Variants in VGF observed in about 807,000 individuals in gnomAD.
VGF encodes the protein neurosecretory protein VGF.
VGF carries 13 observed loss-of-function variants against 41.1 expected under a neutral mutation model. The ratio of observed to expected loss-of-function variants is 0.32; its 90% CI spans 0.21 to 0.50. VGF has a LOEUF of 0.50. VGF is among the 20% of genes least tolerant of loss of function. The pLI is 0.98. For synonymous variants in VGF, 473 were observed against 418.3 expected, an observed-to-expected ratio of 1.13 and a Z score of -1.60; for missense variants, 920 against 882.1, an observed-to-expected ratio of 1.04 and a Z score of -0.54.
upstream of VGF, among the ~76,000 whole-genome samples, chr7:101,166,399 C>T (rs1797219182): frequency 1.3e-5 from 2 of 152,138 alleles, no homozygotes; most frequent in Non-Finnish European, 2.9e-5. Context: ...CCCCGCTGTG[C>T]CCCCTTCGGC....
At position 101,163,628 on chromosome 7, in the gene VGF, C is replaced by G; in HGVS notation, c.1216G>C (p.Ala406Pro). ...CCGGCTTCCCCGTCCTCCTCCTCCGCGAACAGGAGCGCGTTCTGCCGCGCC... is the reference window on the plus strand; with the variant it reads ...CCGGCTTCCCCGTCCTCCTCCTCCGGGAACAGGAGCGCGTTCTGCCGCGCC... Reference protein sequence around the residue: ...ERARQNALLFAEEEDGEAGAE... With the variant: ...ERARQNALLFPEEEDGEAGAE... The change falls in exon 2 of 2, where the codon GCG becomes CCG. Residue 406 changes from alanine to proline, a missense_variant. Ala to Pro is a conservative substitution (Grantham distance 27). Coordinates refer to ENST00000249330, the MANE Select transcript of VGF (RefSeq NM_003378.4). The surrounding 1 kb of genome is among the most constrained non-coding windows in gnomAD (Gnocchi z 5.0). 1 of 1,546,194 alleles carries G rather than the reference C, an allele frequency of 6.5e-7. No homozygotes were observed. The highest frequency in any genetic ancestry group is 8.7e-7 in the Non-Finnish European group (1 of 1,148,962).
chr7:101,165,916 G>A (rs1797211922), upstream of VGF, among the ~76,000 whole-genome samples: 1 of 152,286 alleles, frequency 6.6e-6, no homozygotes, highest in Non-Finnish European at 1.5e-5. Context: ...TGGATGCAGA[G>A]GCGCTGGAAG....
rs779874790 is a variant in VGF at position 101,163,491 on chromosome 7, C to T, written c.1353G>A (p.Thr451=). The T allele has an allele frequency of 6.2e-7, 1 of 1,612,954 alleles. No individual in the cohort carries two copies. Residue 451 remains threonine, a synonymous_variant, in exon 2 of 2, where the codon ACG becomes ACA. Coordinates refer to ENST00000249330, the MANE Select transcript of VGF (RefSeq NM_003378.4). The surrounding 1 kb of genome is among the most constrained non-coding windows in gnomAD (Gnocchi z 5.0). ...TGGACAGCTCAATGAGGCTGTCGAT[C>T]GTCTGCGGATCCATCTCCTCGTCGT... ...EEDDEEMDPQ[T]IDSLIELSTK... is the part of the protein sequence containing the mutation.
In VGF at chr7:101,163,602, G is replaced by A; in HGVS notation, c.1242C>T (p.Gly414=). 6.4e-7 allele frequency: 1 copy of A among 1,556,626 alleles called. No individual in the cohort carries two copies. Among genetic ancestry groups the A allele is most frequent in the South Asian group, 1.2e-5 (1 of 86,042 alleles). ...LFAEEEDGEA[G]AEDKRSQEET... ...CCTCCTGGGAGCGCTTGTCCTCGGC[G>A]CCGGCTTCCCCGTCCTCCTCCTCCG... The change falls in exon 2 of 2, where the codon GGC becomes GGT. Residue 414 remains glycine, a synonymous_variant. Coordinates refer to ENST00000249330, the MANE Select transcript of VGF (RefSeq NM_003378.4). This position sits in a 1 kb window ranked among gnomAD's most constrained non-coding sequence, Gnocchi z 5.0.
chr7:101,163,907 C>A lies in VGF; in HGVS notation c.937G>T (p.Ala313Ser). 1.4e-6 allele frequency: 2 copies of A among 1,463,402 alleles called. No individual in the cohort carries two copies. Among genetic ancestry groups the A allele is most frequent in the African/African-American group, 1.5e-5 (1 of 67,618 alleles). The allele number at this position is 1,463,402 out of a possible 1,614,324, so 90.7% of individuals were successfully genotyped here. Residue 313 changes from alanine (A) to serine (S), a missense_variant, in exon 2 of 2, where the codon GCC becomes TCC. Around this residue, in one of 3 missense-constraint regions of VGF, gnomAD observed 654 missense variants for 638.4 expected, o/e 1.02. Transcript: ENST00000249330. The surrounding 1 kb of genome is among the most constrained non-coding windows in gnomAD (Gnocchi z 5.0). ...TCCTGCGCCGCGGCCTGCCGCGTGG[C>A]CTCCGCCTGCCGCCGCCCGGCCTCC... ...QVEAGRRQAE[A>S]TRQAAAQEER...
At chr7:101,167,667 G>A (rs1797242067), upstream of VGF, among the ~76,000 whole-genome samples, 2 of 152,218 alleles carry the variant, frequency 1.3e-5, no homozygotes, top group South Asian at 2.1e-4. This position sits in a 1 kb window ranked among gnomAD's most constrained non-coding sequence, Gnocchi z 4.2. Flanking sequence ...GTGGCTGATG[G>A]GGATCAGAGA....
rs751984381 is a variant in VGF, at chr7:101,163,063, T to TCCTCCG, written c.1775_1780dup (p.Ala592_Glu593dup). 1.8e-4 allele frequency: 276 copies of TCCTCCG among 1,571,766 alleles called. No individual in the cohort carries two copies. The highest frequency in any genetic ancestry group is 1.4e-4 in the Non-Finnish European group (164 of 1,163,704). On this transcript the variant is annotated inframe_insertion, in exon 2 of 2. Transcript: ENST00000249330. The surrounding 1 kb of genome is among the most constrained non-coding windows in gnomAD (Gnocchi z 5.0). ...CTCCTCCTGCTCCTGCAGCCGGCGC[T>TCCTCCG]CCTCCGCCTCCGCCTCCTCCTGCGC...
In VGF at chr7:101,165,002, T is replaced by C. The variant is rs1402025372; in HGVS notation, c.-20-139A>G. On this transcript the variant is annotated intron_variant, in intron 1 of 1. Transcript: ENST00000249330. ...AAACCTTACCCAGAAGAGGAACGTT[T>C]AGGAGCAAAGGAGGAAGATGTTGTG... 7.3e-6 allele frequency: 10 copies of C among 1,374,966 alleles called. No homozygotes were observed. The East Asian group carries it at 2.6e-4, about 36-fold the overall frequency. 85.2% of individuals were successfully genotyped at this position (1,374,966 alleles called of 1,614,324 possible).
chr7:101,163,806 G>T lies in VGF; in HGVS notation c.1038C>A (p.Leu346=). 6.5e-7 allele frequency: 1 copy of T among 1,533,604 alleles called. No homozygotes were observed. The highest frequency in any genetic ancestry group is 8.7e-7 in the Non-Finnish European group (1 of 1,145,020). The allele number at this position is 1,533,604 out of a possible 1,614,324, so 95.0% of individuals were successfully genotyped here. A position where few individuals can be genotyped will look rare whatever the true frequency, so the allele number is the denominator to read the frequency against. Residue 346 remains leucine (L), a synonymous_variant, in exon 2 of 2, where the codon CTC becomes CTA. Coordinates refer to ENST00000249330, the MANE Select transcript of VGF (RefSeq NM_003378.4). The surrounding 1 kb of genome is among the most constrained non-coding windows in gnomAD (Gnocchi z 5.0). The part of the protein sequence containing the change: ...LLQGGARQRG[L]GGRGLQEAAE... ...CCGCCTCCTGCAGCCCCCGACCCCC[G>T]AGGCCGCGCTGCCGGGCCCCGCCCT...
Position 101,163,708 on chromosome 7 carries a change from C to G in VGF, c.1136G>C (p.Gly379Ala), listed in dbSNP as rs532601632. Residue 379 changes from glycine (G) to alanine (A), a missense_variant, in exon 2 of 2, where the codon GGG becomes GCG. By Grantham distance (60) the Gly-to-Ala change is moderately conservative. This residue lies in a region of VGF where 654 missense variants were observed against 638.4 expected (regional missense o/e 1.02). Transcript: ENST00000249330. This position sits in a 1 kb window ranked among gnomAD's most constrained non-coding sequence, Gnocchi z 5.0. ...QERRGGEERV[G>A]EEDEEAAEAE... ...CTCGGCCGCCTCCTCATCCTCTTCC[C>G]CCACCCTCTCCTCCCCGCCGCGTCT... 9 of 1,535,386 alleles carry G rather than the reference C, an allele frequency of 5.9e-6. No individual in the cohort carries two copies. The highest frequency in any genetic ancestry group is 6.1e-6 in the Non-Finnish European group (7 of 1,146,506).
chr7:101,163,962 C>A lies in VGF; in HGVS notation c.882G>T (p.Glu294Asp). ...SALLGGSEAG[E>D]RLLQQGLAQV... ...GCGCCAGCCCTTGCTGGAGAAGGCG[C>A]TCGCCCGCCTCGGAGCCGCCCAGGA... The change falls in exon 2 of 2, where the codon GAG becomes GAT. Residue 294 changes from glutamate to aspartate, a missense_variant. Transcript: ENST00000249330. This position sits in a 1 kb window ranked among gnomAD's most constrained non-coding sequence, Gnocchi z 5.0. The A allele has an allele frequency of 6.9e-7, 1 of 1,457,148 alleles. No individual in the cohort carries two copies. The highest frequency in any genetic ancestry group is 8.9e-7 in the Non-Finnish European group (1 of 1,119,290). The allele number at this position is 1,457,148 out of a possible 1,614,324, so 90.3% of individuals were successfully genotyped here. A position where few individuals can be genotyped will look rare whatever the true frequency, so the allele number is the denominator to read the frequency against.
At position 101,165,420 on chromosome 7, in the gene VGF, G is replaced by A. The variant is rs1431514138; in HGVS notation, c.-67C>T. 2.0e-6 allele frequency: 2 copies of A among 985,442 alleles called. No individual in the cohort carries two copies. Among genetic ancestry groups the A allele is most frequent in the African/African-American group, 1.7e-5 (1 of 57,254 alleles). The allele number at this position is 985,442 out of a possible 1,614,324, so 61.0% of individuals were successfully genotyped here. ...AGGTGGAGAGGAGGGTCGGGGCAGG[G>A]TGGGGACAGGGGAAGATCGGGACGC... On this transcript the variant is annotated 5_prime_UTR_variant, in exon 1 of 2. Coordinates refer to ENST00000249330, the MANE Select transcript of VGF (RefSeq NM_003378.4).
In VGF at chr7:101,163,920, C is replaced by T. The variant is rs745480245; in HGVS notation, c.924G>A (p.Arg308=). The T allele has an allele frequency of 6.8e-7, 1 of 1,460,366 alleles. No individual in the cohort carries two copies. The highest frequency in any genetic ancestry group is 8.9e-7 in the Non-Finnish European group (1 of 1,117,978). The allele number at this position is 1,460,366 out of a possible 1,614,324, so 90.5% of individuals were successfully genotyped here. Reference sequence around the variant, plus strand: ...CCTGCCGCGTGGCCTCCGCCTGCCGCCGCCCGGCCTCCACCTGCGCCAGCC... The same window carrying T: ...CCTGCCGCGTGGCCTCCGCCTGCCGTCGCCCGGCCTCCACCTGCGCCAGCC... ...QQGLAQVEAG[R]RQAEATRQAA... Residue 308 remains arginine (R), a synonymous_variant, in exon 2 of 2, where the codon CGG becomes CGA. Transcript: ENST00000249330. The surrounding 1 kb of genome is among the most constrained non-coding windows in gnomAD (Gnocchi z 5.0).
At chr7:101,168,418 C>T (rs1045696361), upstream of VGF, among the ~76,000 whole-genome samples, 1 of 152,176 alleles carries the variant, frequency 6.6e-6, no homozygotes, top group African/African-American at 2.4e-5. Context: ...ACACTACTCG[C>T]CTCTACTGGG....
Position 101,163,611 on chromosome 7 carries a change from C to A in VGF, c.1233G>T (p.Gly411=), listed in dbSNP as rs761900776. The change falls in exon 2 of 2, where the codon GGG becomes GGT. Residue 411 remains glycine, a synonymous_variant. Coordinates refer to ENST00000249330, the MANE Select transcript of VGF (RefSeq NM_003378.4). The surrounding 1 kb of genome is among the most constrained non-coding windows in gnomAD (Gnocchi z 5.0). ...AGCGCTTGTCCTCGGCGCCGGCTTC[C>A]CCGTCCTCCTCCTCCGCGAACAGGA... ...NALLFAEEED[G]EAGAEDKRSQ... is the part of the protein sequence containing the mutation. 4 of 1,553,236 alleles carry A rather than the reference C, an allele frequency of 2.6e-6. No homozygotes were observed. In the Middle Eastern group the frequency reaches 5.3e-4, roughly 205 times the overall value.
At position 101,164,461 on chromosome 7, in the gene VGF, G is replaced by A. The variant is rs1235318058; in HGVS notation, c.383C>T (p.Ala128Val). 2 of 1,603,036 alleles carry A rather than the reference G, an allele frequency of 1.2e-6. No individual in the cohort carries two copies. The highest frequency in any genetic ancestry group is 1.7e-6 in the Non-Finnish European group (2 of 1,178,226). ...AGCCGCGGGCTCCGGGCTCTCCGGC[G>A]CCGGGAGGCTGTGGGTCTGGCTGCG... ...TVRSQTHSLPAPESPEPAAPP... is the reference protein window; with the variant it reads ...TVRSQTHSLPVPESPEPAAPP... Residue 128 changes from alanine to valine, a missense_variant, in exon 2 of 2, where the codon GCG becomes GTG. Physicochemically the swap from Ala to Val is moderately conservative, Grantham distance 64. Around this residue, in one of 3 missense-constraint regions of VGF, gnomAD observed 654 missense variants for 638.4 expected, o/e 1.02. Transcript: ENST00000249330.
intron 1 of VGF, chr7:101,165,140 A>G (rs1797197523): frequency 8.8e-7 from 1 of 1,136,086 alleles, no homozygotes; most frequent in East Asian, 4.5e-5. Flanking sequence ...CGTACTAAGC[A>G]GCAGCAATAT....
chr7:101,169,079 G>A (rs1797265268), upstream of VGF, among the ~76,000 whole-genome samples: 1 of 152,052 alleles, frequency 6.6e-6, no homozygotes, highest in South Asian at 2.1e-4. Context: ...TGGGGGCTAC[G>A]GGAGGGTCTG....
At position 101,163,399 on chromosome 7, in the gene VGF, C is replaced by T. The variant is rs1413511328; in HGVS notation, c.1445G>A (p.Arg482Gln). ...IIEEVEEKRKRKKNAPPEPVP... is the reference protein window; with the variant it reads ...IIEEVEEKRKQKKNAPPEPVP... Reference sequence around the variant, plus strand: ...GGGCTCGGGAGGGGCGTTCTTCTTCCGCTTCCGCTTCTCCTCCACCTCCTC... The same window carrying T: ...GGGCTCGGGAGGGGCGTTCTTCTTCTGCTTCCGCTTCTCCTCCACCTCCTC... The change falls in exon 2 of 2, where the codon CGG becomes CAG. Residue 482 changes from arginine (R) to glutamine (Q), a missense_variant. By Grantham distance (43) the Arg-to-Gln change is conservative. Coordinates refer to ENST00000249330, the MANE Select transcript of VGF (RefSeq NM_003378.4). The surrounding 1 kb of genome is among the most constrained non-coding windows in gnomAD (Gnocchi z 5.0). 1.9e-6 allele frequency: 3 copies of T among 1,601,908 alleles called. No individual in the cohort carries two copies. The highest frequency in any genetic ancestry group is 2.5e-6 in the Non-Finnish European group (3 of 1,178,896).
Sources: allele counts gnomAD v4.1 joint callset (sites outside exome capture counted in the v4.1 genomes callset), GRCh38; gene constraint gnomAD v4.1.1; regional missense constraint gnomAD v4.1.1; non-coding constraint Gnocchi (gnomAD v3.1); transcripts MANE v1.5; gene names NCBI Gene and HGNC (gene_info 2026-07-23, HGNC 2026-07-21).